ABLIM1: variants seen among roughly 807,000 people sequenced by gnomAD.
The protein encoded by ABLIM1 is actin-binding LIM protein 1.
A neutral mutation model predicts 107.0 loss-of-function variants in ABLIM1; 40 were observed. The ratio of observed to expected loss-of-function variants is 0.37; its 90% CI spans 0.29 to 0.49. The LOEUF (loss-of-function observed/expected upper bound fraction) is 0.49. Ranked by LOEUF, ABLIM1 falls within the 20% of genes least tolerant of loss-of-function variation. The pLI is 0.97. For synonymous variants in ABLIM1, 357 were observed against 357.3 expected (o/e 1.00, Z 0.01); for missense variants, 857 against 1,008.5 (o/e 0.85, Z 2.04).
At chr10:114,744,199 A>G (rs2142326772) in intron 1 of ABLIM1, among the ~76,000 whole-genome samples, 1 of 152,326 alleles carries the variant, frequency 6.6e-6, no homozygotes, top group East Asian at 1.9e-4. Context: ...GGTAGACTCA[A>G]ACTTAGTTAG....
intron 1 of ABLIM1, among the ~76,000 whole-genome samples, chr10:114,602,215 C>T (rs907521930): frequency 6.6e-6 from 1 of 152,172 alleles, no homozygotes; most frequent in African/African-American, 2.4e-5. Context: ...TCTTCCCAAA[C>T]TTCTCTAGGA....
intron 1 of ABLIM1, among the ~76,000 whole-genome samples, chr10:114,755,132 C>T (rs1051199887): frequency 6.6e-6 from 1 of 152,184 alleles, no homozygotes; most frequent in Non-Finnish European, 1.5e-5. Flanking sequence ...AGCAGGCAAG[C>T]GAGCATTACC....
intron 6 of ABLIM1, among the ~76,000 whole-genome samples, chr10:114,504,936 T>C (rs753193450): frequency 6.6e-6 from 1 of 152,208 alleles, no homozygotes; most frequent in Non-Finnish European, 1.5e-5. Context: ...CTTTGAGTCA[T>C]ATGACATGGA....
intron 4 of ABLIM1, among the ~76,000 whole-genome samples, chr10:114,554,931 G>A (rs990143995): frequency 2.6e-5 from 4 of 152,094 alleles, no homozygotes; most frequent in Non-Finnish European, 4.4e-5. Flanking sequence ...CAACCACTGG[G>A]CTTCAGTTTT....
intron 1 of ABLIM1, among the ~76,000 whole-genome samples, chr10:114,761,817 A>G (rs1261736792): frequency 6.6e-6 from 1 of 152,070 alleles, no homozygotes; most frequent in East Asian, 1.9e-4. Context: ...TTTCCTTGGA[A>G]AGGCCTTCCC....
rs1591771878 is a variant in ABLIM1 at position 114,663,375 on chromosome 10, G to T, written c.64+20915C>A. On this transcript the variant is annotated intron_variant, in intron 1 of 23. Transcript: ENST00000369256. Reference sequence around the variant, plus strand: ...CTGCCAGCTGCTAAGCTGCTGGAGTGCAGGAGCCTTGCCTTTGTCACCCTG... The same window carrying T: ...CTGCCAGCTGCTAAGCTGCTGGAGTTCAGGAGCCTTGCCTTTGTCACCCTG... 2.0e-5 allele frequency among the ~76,000 whole-genome samples: 3 copies of T among 152,314 alleles called. No homozygotes were observed. In the East Asian group the frequency reaches 5.8e-4, roughly 29 times the overall value.
At chr10:114,633,855 T>C (rs115244507) in intron 1 of ABLIM1, among the ~76,000 whole-genome samples, 291 of 152,300 alleles carry the variant, frequency 1.9e-3, no homozygotes, top group African/African-American at 6.7e-3. Context: ...TTAGGCTGTG[T>C]TGTGAGCCTA....
chr10:114,520,677 A>G (rs1034634557), intron 6 of ABLIM1, among the ~76,000 whole-genome samples: 3 of 152,082 alleles, frequency 2.0e-5, no homozygotes, highest in Admixed American at 2.0e-4. Context: ...AGAAAGAAAG[A>G]AAAATGACGT....
At chr10:114,610,589 A>G (rs1261309810) in intron 1 of ABLIM1, 1 of 152,222 alleles carries the variant, frequency 6.6e-6, no homozygotes, top group Non-Finnish European at 1.5e-5. Context: ...GAAACTCAAC[A>G]GTTTAAATAA....
At chr10:114,551,972 G>C (rs1268390833) in intron 4 of ABLIM1, among the ~76,000 whole-genome samples, 2 of 152,128 alleles carry the variant, frequency 1.3e-5, no homozygotes, top group East Asian at 1.9e-4. Flanking sequence ...CAGCCAGCTG[G>C]TAAGGTTGGG....
At chr10:114,440,132 T>C (rs933990801) in intron 19 of ABLIM1, 43 bp from the exon 20 acceptor site, 10 of 1,574,510 alleles carry the variant, frequency 6.4e-6, no homozygotes, top group African/African-American at 1.3e-5. Flanking sequence ...GGAAAGACCA[T>C]GGAAAAGCAA....
chr10:114,537,274 A>T (rs557149667), intron 6 of ABLIM1, among the ~76,000 whole-genome samples: 1 of 152,244 alleles, frequency 6.6e-6, no homozygotes, highest in South Asian at 2.1e-4. Flanking sequence ...GATACATAAT[A>T]TTTTACATAT....
chr10:114,593,519 G>A (rs556900885), intron 2 of ABLIM1, among the ~76,000 whole-genome samples: 5 of 152,250 alleles, frequency 3.3e-5, no homozygotes, highest in African/African-American at 4.8e-5. Flanking sequence ...TTGTATAAGA[G>A]CTGAGGAAAC....
chr10:114,453,539 A>C, intron 12 of ABLIM1, 56 bp from the exon 13 acceptor site: 1 of 1,394,162 alleles, frequency 7.2e-7, no homozygotes, highest in Middle Eastern at 1.9e-4. Context: ...GAAACAAAGA[A>C]AACAAAGCAA....
At chr10:114,603,351 G>T (rs149937064) in intron 1 of ABLIM1, among the ~76,000 whole-genome samples, 87 of 152,280 alleles carry the variant, frequency 5.7e-4, no homozygotes, top group African/African-American at 1.9e-3. Flanking sequence ...TGAGAAACAA[G>T]GTTCTTCTTG....
chr10:114,445,536 A>C lies in ABLIM1; in HGVS notation c.1736-133T>G, dbSNP rs1477420920. The C allele has an allele frequency of 5.6e-6, 4 of 718,488 alleles. No homozygotes were observed. The East Asian group carries it at 1.0e-4, about 18-fold the overall frequency. 44.5% of individuals were successfully genotyped at this position (718,488 alleles called of 1,614,324 possible). On this transcript the variant is annotated intron_variant, in intron 15 of 22. Coordinates refer to ENST00000533213, the MANE Select transcript of ABLIM1 (RefSeq NM_002313.7). ...TCTTTAACACTTTTAAGTAAACAAT[A>C]CAAGAGAAAACAAAAATGCCTGCCA...
intron 6 of ABLIM1, among the ~76,000 whole-genome samples, chr10:114,535,283 C>T (rs181721397): frequency 1.3e-5 from 2 of 152,256 alleles, no homozygotes; most frequent in East Asian, 1.9e-4. Context: ...ATTTAGGCTC[C>T]CACAGAGGGA....
chr10:114,459,972 T>G (rs538646858), intron 12 of ABLIM1, among the ~76,000 whole-genome samples: 108 of 152,328 alleles, frequency 7.1e-4, no homozygotes, highest in African/African-American at 2.5e-3. Context: ...CATTTAATAT[T>G]TCTATGGAAA....
At chr10:114,763,072 G>C (rs1264741684) in intron 1 of ABLIM1, among the ~76,000 whole-genome samples, 1 of 152,204 alleles carries the variant, frequency 6.6e-6, no homozygotes, top group East Asian at 1.9e-4. Context: ...CATGACTCAA[G>C]CTTCTGAAAA....
Sources: gnomAD v4.1 joint callset for allele counts (sites outside exome capture counted in the v4.1 genomes callset) on GRCh38, gnomAD v4.1.1 for gene constraint, MANE v1.5 for transcripts, NCBI Gene and HGNC (gene_info 2026-07-23, HGNC 2026-07-21) for gene names.